ANXA10: variants seen among roughly 807,000 people sequenced by gnomAD.
The protein encoded by ANXA10 is annexin 14.
ANXA10 carries 49 observed loss-of-function variants against 53.5 expected under a neutral mutation model. The observed-to-expected ratio is 0.92, with a 90% CI of 0.73 to 1.16. The LOEUF (loss-of-function observed/expected upper bound fraction) is 1.16, where lower values mean the gene tolerates loss of function less well. Among genes scored for constraint, ANXA10 ranks in the 50% most tolerant of loss-of-function variants. The pLI is 0.00. For synonymous variants in ANXA10, 131 were observed against 128.9 expected, an observed-to-expected ratio of 1.02 and a Z score of -0.11; for missense variants, 393 against 394.4, an observed-to-expected ratio of 1.00 and a Z score of 0.03.
At chr4:168,129,914 T>A (rs1386510853) in intron 2 of ANXA10, among the ~76,000 whole-genome samples, 1 of 151,966 alleles carries the variant, frequency 6.6e-6, no homozygotes, top group East Asian at 1.9e-4. Context: ...TCTATTAACA[T>A]GTGTAATTGC....
chr4:168,165,203 T>C, intron 5 of ANXA10, 44 bp from the exon 6 acceptor site: 1 of 1,289,474 alleles, frequency 7.8e-7, no homozygotes, highest in Non-Finnish European at 1.1e-6. Context: ...CACTGATACA[T>C]AGTTCTATAA....
Position 168,139,525 on chromosome 4 carries a change from G to A in ANXA10, c.140G>A (p.Arg47His), listed in dbSNP as rs202148101. The change falls in exon 3 of 12, where the codon CGC (arginine) becomes CAC (histidine). Residue 47 changes from arginine to histidine, a missense_variant. Coordinates refer to ENST00000359299, the MANE Select transcript of ANXA10 (RefSeq NM_007193.5). ...KDMLINILTQ[R>H]CNAQRMMIAE... ...ATGCTGATCAACATTCTGACTCAGC[G>A]CTGCAATGCACAAAGGATGATGATT... The A allele has an allele frequency of 7.9e-5, 128 of 1,612,964 alleles. No homozygotes were observed. The Admixed American group carries it at 1.2e-3, about 15-fold the overall frequency.
intron 2 of ANXA10, among the ~76,000 whole-genome samples, chr4:168,130,770 A>T (rs1268562085): frequency 6.6e-6 from 1 of 151,884 alleles, no homozygotes; most frequent in Non-Finnish European, 1.5e-5. Context: ...TTTTATTATG[A>T]TTTTAATGTC....
chr4:168,185,840 A>G (rs1460864437), intron 11 of ANXA10, among the ~76,000 whole-genome samples: 1 of 152,246 alleles, frequency 6.6e-6, no homozygotes, highest in African/African-American at 2.4e-5. Context: ...GTTTATTGAA[A>G]GAGTAATCTA....
intron 6 of ANXA10, among the ~76,000 whole-genome samples, chr4:168,165,564 C>T (rs1225086087): frequency 6.6e-6 from 1 of 151,858 alleles, no homozygotes; most frequent in East Asian, 1.9e-4. Flanking sequence ...AAAATCTATT[C>T]TAAAGAGATT....
intron 2 of ANXA10, among the ~76,000 whole-genome samples, chr4:168,133,433 T>C (rs1731186398): frequency 6.6e-6 from 1 of 152,098 alleles, no homozygotes; most frequent in African/African-American, 2.4e-5. Context: ...TTTTGGGTTC[T>C]TGAGACTATA....
intron 1 of ANXA10, among the ~76,000 whole-genome samples, chr4:168,110,659 A>G (rs1379342268): frequency 4.6e-5 from 7 of 152,156 alleles, no homozygotes; most frequent in African/African-American, 2.4e-5. Flanking sequence ...ATAGAAGTCT[A>G]GAAGTTCTTT....
chr4:168,168,570 C>A (rs1158879023), intron 6 of ANXA10, among the ~76,000 whole-genome samples: 1 of 152,114 alleles, frequency 6.6e-6, no homozygotes, highest in Non-Finnish European at 1.5e-5. Context: ...CAGGCACGTG[C>A]CACCAAGCCC....
chr4:168,139,648 T>C lies in ANXA10; in HGVS notation c.195+68T>C, dbSNP rs753511003. ...GAGAACTAACCACACTCACGGATAA[T>C]AGGTATTTTTTTTTTCAATCTCACA... On this transcript the variant is annotated intron_variant, in intron 3 of 11. Coordinates refer to ENST00000359299, the MANE Select transcript of ANXA10 (RefSeq NM_007193.5). 6.4e-5 allele frequency: 79 copies of C among 1,233,904 alleles called. No homozygotes were observed. In the African/African-American group the frequency reaches 1.0e-3, roughly 16 times the overall value. The allele number at this position is 1,233,904 out of a possible 1,614,324, so 76.4% of individuals were successfully genotyped here. A position where few individuals can be genotyped will look rare whatever the true frequency, so the allele number is the denominator to read the frequency against.
In ANXA10 at chr4:168,149,692, T is replaced by C. The variant is rs146307106; in HGVS notation, c.195+10112T>C. Among the ~76,000 whole-genome samples, 76 of 152,324 alleles carry C rather than the reference T, an allele frequency of 5.0e-4. No individual in the cohort carries two copies. The East Asian group carries it at 0.014, about 27-fold the overall frequency. ...ACTAGTTTGAGATCAGCTTTCATGATGATTTCTCTTCATGGAGGTCTCAGT... is the reference window on the plus strand; with the variant it reads ...ACTAGTTTGAGATCAGCTTTCATGACGATTTCTCTTCATGGAGGTCTCAGT... On this transcript the variant is annotated intron_variant, in intron 3 of 11. Transcript: ENST00000359299.
chr4:168,184,336 A>G (rs1325082187), intron 10 of ANXA10, among the ~76,000 whole-genome samples: 3 of 152,202 alleles, frequency 2.0e-5, no homozygotes, highest in African/African-American at 7.2e-5. Context: ...AGGCATTCAG[A>G]AAATAGAAGA....
intron 3 of ANXA10, among the ~76,000 whole-genome samples, chr4:168,151,604 G>A (rs1339610808): frequency 2.6e-5 from 4 of 152,092 alleles, no homozygotes; most frequent in South Asian, 2.1e-4. Context: ...GGAAAGTCAC[G>A]CTGCAAAGGT....
chr4:168,107,875 G>A (rs1325581706), intron 1 of ANXA10, among the ~76,000 whole-genome samples: 2 of 152,114 alleles, frequency 1.3e-5, no homozygotes, highest in African/African-American at 2.4e-5. Flanking sequence ...GGTAGGGCTT[G>A]AACATATTAA....
At chr4:168,159,826 T>C (rs1156585281) in intron 3 of ANXA10, among the ~76,000 whole-genome samples, 1 of 152,216 alleles carries the variant, frequency 6.6e-6, no homozygotes, top group Non-Finnish European at 1.5e-5. Context: ...AAAGGTGGTG[T>C]TGGATTATGC....
chr4:168,111,253 T>C (rs1730802048), intron 1 of ANXA10, among the ~76,000 whole-genome samples: 1 of 152,210 alleles, frequency 6.6e-6, no homozygotes, highest in African/African-American at 2.4e-5. Context: ...CAGGAGTGCA[T>C]GCATTCCTTG....
intron 2 of ANXA10, among the ~76,000 whole-genome samples, chr4:168,136,111 A>G (rs1429192019): frequency 6.6e-6 from 1 of 152,134 alleles, no homozygotes; most frequent in Non-Finnish European, 1.5e-5. Flanking sequence ...TCAGAAGACC[A>G]GCAAGGGGGA....
chr4:168,127,264 AAG>A (rs551437414), intron 1 of ANXA10, among the ~76,000 whole-genome samples: 2 of 152,146 alleles, frequency 1.3e-5, no homozygotes, highest in South Asian at 4.1e-4. Context: ...TATAATTGTC[AAG>A]AGAGAGAATT....
intron 3 of ANXA10, among the ~76,000 whole-genome samples, chr4:168,146,598 T>G (rs1367515996): frequency 1.3e-5 from 2 of 152,152 alleles, no homozygotes; most frequent in African/African-American, 4.8e-5. Context: ...TGATGTCCAG[T>G]CTGATGATGA....
intron 3 of ANXA10, among the ~76,000 whole-genome samples, chr4:168,156,103 A>ATTATATATCATATTTATTATATAT (rs1307573018): frequency 1.7e-5 from 1 of 59,280 alleles, no homozygotes; most frequent in Non-Finnish European, 2.8e-5. Context: ...TATTATATAT[A>ATTATATATCATATTTATTATATAT]AATATTATAT....
Sources: allele counts gnomAD v4.1 joint callset (sites outside exome capture counted in the v4.1 genomes callset), GRCh38; gene constraint gnomAD v4.1.1; transcripts MANE v1.5; gene names NCBI Gene and HGNC (gene_info 2026-07-23, HGNC 2026-07-21).